ACTL6B: variants seen among roughly 807,000 people sequenced by gnomAD.
ACTL6B encodes the protein actin like 6B, also known as actin-like protein 6B.
ACTL6B carries 48 observed loss-of-function variants against 63.3 expected under a neutral mutation model. That is an observed-to-expected ratio of 0.76 (90% CI 0.60 to 0.96). The LOEUF (loss-of-function observed/expected upper bound fraction) is 0.96. Ranked by LOEUF, ACTL6B falls within the 50% of genes least tolerant of loss-of-function variation. The pLI, the probability that ACTL6B is intolerant of heterozygous loss-of-function variation, is 0.00. For missense variants in ACTL6B, 350 were observed against 572.2 expected (o/e 0.61, Z 3.96); for synonymous variants, 230 against 223.8 (o/e 1.03, Z -0.25).
Position 100,654,968 on chromosome 7 carries a change from G to A in ACTL6B, c.369+51C>T, listed in dbSNP as rs908421045. 5 of 1,471,244 alleles carry A rather than the reference G, an allele frequency of 3.4e-6. No individual in the cohort carries two copies. In the Admixed American group the frequency reaches 5.3e-5, roughly 15 times the overall value. 91.1% of individuals were successfully genotyped at this position (1,471,244 alleles called of 1,614,324 possible). A position where few individuals can be genotyped will look rare whatever the true frequency, so the allele number is the denominator to read the frequency against. ...GAGGAGGAGAGGTGGATGGTGGGAA[G>A]GAGGTGCAGTGGAGATCAGGGTTGG... On this transcript the variant is annotated intron_variant, in intron 4 of 13. Transcript: ENST00000160382.
Position 100,655,823 on chromosome 7 carries a change from C to G in ACTL6B, c.82G>C (p.Ala28Pro). ...CTCACCTTGGGACAGTCCTCCCCAG[C>G]GTACCCAGCGCGGACTGAGAAGGAG... ...IGSFSVRAGY[A>P]GEDCPKADFP... The change falls in exon 2 of 14, where the codon GCT becomes CCT. Residue 28 changes from alanine (A) to proline (P), a missense_variant. Physicochemically the swap from Ala to Pro is conservative, Grantham distance 27. Transcript: ENST00000160382. The surrounding 1 kb of genome is among the most constrained non-coding windows in gnomAD (Gnocchi z 4.4). 1.3e-6 allele frequency: 2 copies of G among 1,574,640 alleles called. No homozygotes were observed. Among genetic ancestry groups the G allele is most frequent in the Non-Finnish European group, 1.7e-6 (2 of 1,159,546 alleles).
In ACTL6B at chr7:100,646,396, G is replaced by T. The variant is rs374641251; in HGVS notation, c.1114-61C>A. 37 of 1,583,842 alleles carry T rather than the reference G, an allele frequency of 2.3e-5. No homozygotes were observed. The highest frequency in any genetic ancestry group is 2.2e-4 in the African/African-American group (16 of 74,350). The stretch of plus-strand genomic sequence containing the variant: ...TAGGTTCTGGGAAGGGACAGGGCTT[G>T]GGGGAGAGGGGAAGACTTGGGAAGC... On this transcript the variant is annotated intron_variant, in intron 12 of 13. Coordinates refer to ENST00000160382, the MANE Select transcript of ACTL6B (RefSeq NM_016188.5). The surrounding 1 kb of genome is among the most constrained non-coding windows in gnomAD (Gnocchi z 6.1).
Position 100,647,904 on chromosome 7 carries a change from A to G in ACTL6B, c.670-371T>C, listed in dbSNP as rs1371663137. Among the ~76,000 whole-genome samples the G allele has an allele frequency of 6.6e-6, 1 of 151,470 alleles. No homozygotes were observed. Among genetic ancestry groups the G allele is most frequent in the Non-Finnish European group, 1.5e-5 (1 of 67,984 alleles). On this transcript the variant is annotated intron_variant, in intron 7 of 13. Transcript: ENST00000160382. This position sits in a 1 kb window ranked among gnomAD's most constrained non-coding sequence, Gnocchi z 4.4. ...ACTGCCTACTGCCGTTCCACTTTAC[A>G]TAAGACAAACCTGAGGCCCAGGGAG...
rs1198460995 is a variant in ACTL6B at position 100,643,172 on chromosome 7, A to AG, written c.*73dup. ...TAATGAGGACAAGAGGGAAAGGAGG[A>AG]GGGGGGCAATGTGGCATGGGGGTTA... is the stretch of plus-strand genomic sequence containing the variant. On this transcript the variant is annotated 3_prime_UTR_variant, in exon 14 of 14. Transcript: ENST00000160382. 18 of 1,326,116 alleles carry AG rather than the reference A, an allele frequency of 1.4e-5. 1 individual carries two copies. The highest frequency in any genetic ancestry group is 2.2e-6 in the Non-Finnish European group (2 of 921,828). The allele number at this position is 1,326,116 out of a possible 1,614,324, so 82.1% of individuals were successfully genotyped here. A position where few individuals can be genotyped will look rare whatever the true frequency, so the allele number is the denominator to read the frequency against.
intron 4 of ACTL6B, among the ~76,000 whole-genome samples, chr7:100,653,051 AT>A (rs1036333548): frequency 8.0e-6 from 1 of 124,242 alleles, no homozygotes; most frequent in African/African-American, 3.0e-5. Flanking sequence ...AATTGAACAC[AT>A]TTTTTTTCCA....
At position 100,646,619 on chromosome 7, in the gene ACTL6B, C is replaced by A. The variant is rs955171017; in HGVS notation, c.1045G>T (p.Gly349Cys). The change falls in exon 12 of 14, where the codon GGC (glycine) becomes TGC (cysteine). Residue 349 changes from glycine (G) to cysteine (C), a missense_variant. Gly to Cys is a radical substitution (Grantham distance 159, BLOSUM62 -3). This residue lies in a region of ACTL6B where 76 missense variants were observed against 126.1 expected (regional missense o/e 0.60). Transcript: ENST00000160382. The surrounding 1 kb of genome is among the most constrained non-coding windows in gnomAD (Gnocchi z 6.1). ...AAGCCCTGCAGCAGTGTGTTCCCGC[C>A]GGTGACAATGACACTCCCGTACAGG... is the stretch of plus-strand genomic sequence containing the variant. ...PGLYGSVIVT[G>C]GNTLLQGFTD... 6.2e-7 allele frequency: 1 copy of A among 1,614,096 alleles called. No homozygotes were observed. The highest frequency in any genetic ancestry group is 8.5e-7 in the Non-Finnish European group (1 of 1,180,012).
rs113507840 is a variant in ACTL6B, at chr7:100,645,879, G to A, written c.1200+370C>T. ...ACTCCTGAGCTCAAGTGATCCACCC[G>A]TCTCGGCCTCCCAAACTGCAGGGAT... On this transcript the variant is annotated intron_variant, in intron 13 of 13. Transcript: ENST00000160382. Among the ~76,000 whole-genome samples the A allele has an allele frequency of 7.9e-5, 12 of 152,220 alleles. No homozygotes were observed. In the East Asian group the frequency reaches 1.2e-3, roughly 15 times the overall value.
Position 100,655,444 on chromosome 7 carries a change from A to T in ACTL6B, c.245T>A (p.Met82Lys), listed in dbSNP as rs1334334673. The T allele has an allele frequency of 1.2e-6, 2 of 1,613,974 alleles. No homozygotes were observed. Among genetic ancestry groups the T allele is most frequent in the African/African-American group, 2.7e-5 (2 of 74,912 alleles). Residue 82 changes from methionine to lysine, a missense_variant, in exon 3 of 14, where the codon ATG becomes AAG. By Grantham distance (95) the Met-to-Lys change is moderately conservative. This residue lies in a region of ACTL6B where 250 missense variants were observed against 364.7 expected (regional missense o/e 0.69). Coordinates refer to ENST00000160382, the MANE Select transcript of ACTL6B (RefSeq NM_016188.5). The surrounding 1 kb of genome is among the most constrained non-coding windows in gnomAD (Gnocchi z 4.4). ...ACTCATGCCATTCTTGAGGGGCGAC[A>T]TGACCTCCGCTCCATCCCGAGGCAC... Reference protein sequence around the residue: ...LHVPRDGAEVMSPLKNGMIED... With the variant: ...LHVPRDGAEVKSPLKNGMIED...
Position 100,655,273 on chromosome 7 carries a change from G to T in ACTL6B, c.268+148C>A. 1 of 1,235,988 alleles carries T rather than the reference G, an allele frequency of 8.1e-7. No individual in the cohort carries two copies. Among genetic ancestry groups the T allele is most frequent in the Non-Finnish European group, 1.1e-6 (1 of 877,894 alleles). The allele number at this position is 1,235,988 out of a possible 1,614,324, so 76.6% of individuals were successfully genotyped here. A position where few individuals can be genotyped will look rare whatever the true frequency, so the allele number is the denominator to read the frequency against. On this transcript the variant is annotated intron_variant, in intron 3 of 13. Coordinates refer to ENST00000160382, the MANE Select transcript of ACTL6B (RefSeq NM_016188.5). This position sits in a 1 kb window ranked among gnomAD's most constrained non-coding sequence, Gnocchi z 4.4. ...TTCCCAGAAACCTGGTGGGCCCCTG[G>T]GAAGGGAACCCAGCGAGAAGAACCC...
chr7:100,646,907 C>G lies in ACTL6B; in HGVS notation c.936+64G>C, dbSNP rs903505912. The G allele has an allele frequency of 6.2e-7, 1 of 1,602,078 alleles. No homozygotes were observed. On this transcript the variant is annotated intron_variant, in intron 10 of 13. Coordinates refer to ENST00000160382, the MANE Select transcript of ACTL6B (RefSeq NM_016188.5). The surrounding 1 kb of genome is among the most constrained non-coding windows in gnomAD (Gnocchi z 6.1). ...ACCCCTGCAATCCTTCCCAGCCTCC[C>G]CCACGCCCCAGGATCCAGGGACTGC...
In ACTL6B at chr7:100,648,776, G is replaced by A; in HGVS notation, c.515C>T (p.Thr172Ile). The change falls in exon 6 of 14, where the codon ACC becomes ATC. Residue 172 changes from threonine to isoleucine, a missense_variant. This residue lies in a region of ACTL6B where 250 missense variants were observed against 364.7 expected (regional missense o/e 0.69). Coordinates refer to ENST00000160382, the MANE Select transcript of ACTL6B (RefSeq NM_016188.5). The surrounding 1 kb of genome is among the most constrained non-coding windows in gnomAD (Gnocchi z 4.4). Reference protein sequence around the residue: ...STGLVLDSGATHTTAIPVHDG... With the variant: ...STGLVLDSGAIHTTAIPVHDG... ...ATGTACTGGAATGGCCGTGGTGTGG[G>A]TGGCTCCACTGTCCAGCACGAGGCC... 2 of 1,614,082 alleles carry A rather than the reference G, an allele frequency of 1.2e-6. No homozygotes were observed. The highest frequency in any genetic ancestry group is 1.7e-6 in the Non-Finnish European group (2 of 1,180,018).
At chr7:100,649,783 C>A (rs1238174888) in intron 5 of ACTL6B, among the ~76,000 whole-genome samples, 1 of 152,224 alleles carries the variant, frequency 6.6e-6, no homozygotes, top group Non-Finnish European at 1.5e-5. Context: ...AGCCCCTACT[C>A]TCTCCCGGGC....
chr7:100,648,332 G>A lies in ACTL6B; in HGVS notation c.669+224C>T. On this transcript the variant is annotated intron_variant, in intron 7 of 13. Coordinates refer to ENST00000160382, the MANE Select transcript of ACTL6B (RefSeq NM_016188.5). The surrounding 1 kb of genome is among the most constrained non-coding windows in gnomAD (Gnocchi z 4.4). Reference sequence around the variant, plus strand: ...ATTGGACCCTAGAACCCACCACACTGGCCCTCACACATCCTGCTGTCTGCC... The same window carrying A: ...ATTGGACCCTAGAACCCACCACACTAGCCCTCACACATCCTGCTGTCTGCC... 1 of 486,316 alleles carries A rather than the reference G, an allele frequency of 2.1e-6. No homozygotes were observed. Among genetic ancestry groups the A allele is most frequent in the South Asian group, 2.7e-5 (1 of 37,204 alleles). The allele number at this position is 486,316 out of a possible 1,614,324, so 30.1% of individuals were successfully genotyped here. A position where few individuals can be genotyped will look rare whatever the true frequency, so the allele number is the denominator to read the frequency against.
In ACTL6B at chr7:100,655,633, C is replaced by T. The variant is rs1245939927; in HGVS notation, c.103-47G>A. The T allele has an allele frequency of 1.3e-6, 2 of 1,581,830 alleles. No homozygotes were observed. Among genetic ancestry groups the T allele is most frequent in the Non-Finnish European group, 1.7e-6 (2 of 1,164,484 alleles). On this transcript the variant is annotated intron_variant, in intron 2 of 13. Coordinates refer to ENST00000160382, the MANE Select transcript of ACTL6B (RefSeq NM_016188.5). This position sits in a 1 kb window ranked among gnomAD's most constrained non-coding sequence, Gnocchi z 4.4. Reference sequence around the variant, plus strand: ...AGTATTGGCAGGGAGAGAGGTCACCCTCTTGCCCCTGTCCAGCCCCACAGC... The same window carrying T: ...AGTATTGGCAGGGAGAGAGGTCACCTTCTTGCCCCTGTCCAGCCCCACAGC...
Position 100,655,763 on chromosome 7 carries a change from C to A in ACTL6B, c.102+40G>T. On this transcript the variant is annotated intron_variant, in intron 2 of 13. Transcript: ENST00000160382. The surrounding 1 kb of genome is among the most constrained non-coding windows in gnomAD (Gnocchi z 4.4). ...TCACTGGAAAGCCTGAAGAAGGGTC[C>A]GAAGCCCCTAGGATTTGGAGAGGAG... 1 of 1,548,590 alleles carries A rather than the reference C, an allele frequency of 6.5e-7. No homozygotes were observed. Among genetic ancestry groups the A allele is most frequent in the Non-Finnish European group, 8.7e-7 (1 of 1,145,458 alleles).
chr7:100,646,288 C>T lies in ACTL6B; in HGVS notation c.1161G>A (p.Lys387=). The T allele has an allele frequency of 3.1e-6, 5 of 1,614,170 alleles. No homozygotes were observed. The highest frequency in any genetic ancestry group is 4.2e-6 in the Non-Finnish European group (5 of 1,180,034). ...LIASNSTMER[K]FSPWIGGSIL... ...TGGAACCCCCGATCCAGGGGCTGAA[C>T]TTGCGCTCCATGGTGCTGTTGCTGG... is the stretch of plus-strand genomic sequence containing the variant. The change falls in exon 13 of 14, where the codon AAG becomes AAA. Residue 387 remains lysine, a synonymous_variant. Coordinates refer to ENST00000160382, the MANE Select transcript of ACTL6B (RefSeq NM_016188.5). This position sits in a 1 kb window ranked among gnomAD's most constrained non-coding sequence, Gnocchi z 6.1.
chr7:100,646,187 GCACTGTCTGGGT>G lies in ACTL6B; in HGVS notation c.1200+50_1200+61del, dbSNP rs1302223120. 1.2e-5 allele frequency: 16 copies of G among 1,373,162 alleles called. No homozygotes were observed. The Admixed American group carries it at 3.1e-4, about 27-fold the overall frequency. The allele number at this position is 1,373,162 out of a possible 1,614,324, so 85.1% of individuals were successfully genotyped here. A position where few individuals can be genotyped will look rare whatever the true frequency, so the allele number is the denominator to read the frequency against. On this transcript the variant is annotated intron_variant, in intron 13 of 13. Coordinates refer to ENST00000160382, the MANE Select transcript of ACTL6B (RefSeq NM_016188.5). This position sits in a 1 kb window ranked among gnomAD's most constrained non-coding sequence, Gnocchi z 6.1. ...AACGAAGAGGCAGTCAAAGTGGCGG[GCACTGTCTGGGT>G]CTCCCCTCTCCCCCACAGTCAGTGC...
chr7:100,645,238 C>CT (rs1291115454), intron 13 of ACTL6B, among the ~76,000 whole-genome samples: 1 of 152,054 alleles, frequency 6.6e-6, no homozygotes, highest in Non-Finnish European at 1.5e-5. Flanking sequence ...CTCTGTGTGA[C>CT]TGATACCCTC....
rs1358622754 is a variant in ACTL6B, at chr7:100,643,199, G to C, written c.*47C>G. On this transcript the variant is annotated 3_prime_UTR_variant, in exon 14 of 14. Transcript: ENST00000160382. ...GGGGGCAATGTGGCATGGGGGTTAA[G>C]GGACTTCCATCTGAGCTTGGGAGCA... 6.3e-7 allele frequency: 1 copy of C among 1,584,796 alleles called. No homozygotes were observed. Among genetic ancestry groups the C allele is most frequent in the East Asian group, 2.2e-5 (1 of 44,648 alleles).
Sources: gnomAD v4.1 joint callset for allele counts (sites outside exome capture counted in the v4.1 genomes callset) on GRCh38, gnomAD v4.1.1 for gene constraint, gnomAD v4.1.1 regional missense constraint, Gnocchi (gnomAD v3.1) non-coding constraint, MANE v1.5 for transcripts, NCBI Gene and HGNC (gene_info 2026-07-23, HGNC 2026-07-21) for gene names.